Variants in ITGB5 observed in about 807,000 individuals in gnomAD.
ITGB5 encodes the protein integrin beta-5.
In ITGB5, 38 loss-of-function variants were observed where a neutral mutation model predicts 84.8. The ratio of observed to expected loss-of-function variants is 0.45; its 90% confidence interval spans 0.35 to 0.59. The LOEUF (loss-of-function observed/expected upper bound fraction) is 0.59, where lower values mean the gene tolerates loss of function less well. ITGB5 is among the 20% of genes least tolerant of loss of function. The pLI, the probability that ITGB5 is intolerant of heterozygous loss-of-function variation, is 0.01. For synonymous variants in ITGB5, 393 were observed against 414.4 expected (o/e 0.95, Z 0.63); for missense variants, 905 against 1,034.5 (o/e 0.87, Z 1.72).
chr3:124,794,030 G>A (rs143452740), intron 10 of ITGB5, among the ~76,000 whole-genome samples: 16 of 152,326 alleles, frequency 1.1e-4, no homozygotes, highest in East Asian at 1.9e-4. Context: ...GTATCTGCAC[G>A]TTCCTGGTTT....
chr3:124,773,737 C>T lies in ITGB5; in HGVS notation c.1869G>A (p.Glu623=). 6.2e-7 allele frequency: 1 copy of T among 1,612,644 alleles called. No homozygotes were observed. The highest frequency in any genetic ancestry group is 8.5e-7 in the Non-Finnish European group (1 of 1,180,030). Residue 623 remains glutamate, a synonymous_variant, in exon 11 of 15, where the codon GAG becomes GAA. Transcript: ENST00000296181. ...GGCAGGTGGGGCACTTCTCACACAT[C>T]TCCCCAAAGGCCCCCGGCTCCGTGC... ...CQCTEPGAFG[E]MCEKCPTCPD... is the part of the protein sequence containing the mutation.
In ITGB5 at chr3:124,796,822, G is replaced by A; in HGVS notation, c.1264-5C>T. On this transcript the variant is annotated splice_polypyrimidine_tract_variant and splice_region_variant and intron_variant, in intron 9 of 14. Transcript: ENST00000296181. ...CAATGATACTTCAAAAGATGCCTGG[G>A]CAGAAGGAAGAGAAGGGATATCATG... 1 of 1,590,752 alleles carries A rather than the reference G, an allele frequency of 6.3e-7. No homozygotes were observed. Among genetic ancestry groups the A allele is most frequent in the South Asian group, 1.1e-5 (1 of 87,310 alleles).
chr3:124,842,855 C>T (rs2065028626), intron 4 of ITGB5, among the ~76,000 whole-genome samples: 1 of 152,202 alleles, frequency 6.6e-6, no homozygotes, highest in Non-Finnish European at 1.5e-5. Context: ...CTTTGGTTCT[C>T]TAAGGGGCTA....
At chr3:124,867,175 C>T (rs1390459131) in intron 2 of ITGB5, among the ~76,000 whole-genome samples, 2 of 152,174 alleles carry the variant, frequency 1.3e-5, no homozygotes, top group Non-Finnish European at 2.9e-5. Flanking sequence ...AGTCTTCTCC[C>T]ATGCCCGACC....
At chr3:124,799,198 G>A (rs765357113) in intron 9 of ITGB5, among the ~76,000 whole-genome samples, 1 of 152,170 alleles carries the variant, frequency 6.6e-6, no homozygotes, top group African/African-American at 2.4e-5. Flanking sequence ...CGAGGTACAG[G>A]GAGTCTCTCA....
At chr3:124,841,881 G>A (rs888762364) in intron 4 of ITGB5, among the ~76,000 whole-genome samples, 14 of 152,190 alleles carry the variant, frequency 9.2e-5, no homozygotes, top group African/African-American at 2.2e-4. Context: ...TGTGGGACCC[G>A]GGGTGTGGGC....
At position 124,857,971 on chromosome 3, in the gene ITGB5, T is replaced by C. The variant is rs149357933; in HGVS notation, c.361+1271A>G. Among the ~76,000 whole-genome samples the C allele has an allele frequency of 2.4e-4, 37 of 152,010 alleles. No individual in the cohort carries two copies. The East Asian group carries it at 7.0e-3, about 29-fold the overall frequency. On this transcript the variant is annotated intron_variant, in intron 3 of 14. Transcript: ENST00000296181. ...CAACATGGTGAAACCCCATCTCTACTAAAAACACACACACAAAAAAATTAG... is the reference window on the plus strand; with the variant it reads ...CAACATGGTGAAACCCCATCTCTACCAAAAACACACACACAAAAAAATTAG...
chr3:124,843,249 T>TA (rs2065033813), intron 4 of ITGB5, among the ~76,000 whole-genome samples: 3 of 152,218 alleles, frequency 2.0e-5, no homozygotes, highest in Admixed American at 2.0e-4. Flanking sequence ...AAGTGGATCA[T>TA]AGGCCCAGAA....
intron 10 of ITGB5, among the ~76,000 whole-genome samples, chr3:124,794,273 A>G (rs1470496820): frequency 3.3e-5 from 5 of 152,244 alleles, no homozygotes; most frequent in Non-Finnish European, 5.9e-5. Context: ...TCAGAACGCA[A>G]TACCAGAGTG....
At position 124,827,723 on chromosome 3, in the gene ITGB5, C is replaced by T. The variant is rs183325113; in HGVS notation, c.781-6249G>A. Among the ~76,000 whole-genome samples the T allele has an allele frequency of 8.3e-4, 127 of 152,244 alleles. 1 individual carries two copies. Among genetic ancestry groups the T allele is most frequent in the East Asian group, 5.8e-4 (3 of 5,194 alleles). The stretch of plus-strand genomic sequence containing the variant: ...CCTGCACGTATACATCCAGATGGCC[C>T]GCAGCAAGTGAAGAATCACAAAAGA... On this transcript the variant is annotated intron_variant, in intron 5 of 14. Coordinates refer to ENST00000296181, the MANE Select transcript of ITGB5 (RefSeq NM_002213.5).
intron 11 of ITGB5, among the ~76,000 whole-genome samples, chr3:124,770,678 A>G (rs2063829015): frequency 6.6e-6 from 1 of 152,168 alleles, no homozygotes; most frequent in South Asian, 2.1e-4. Flanking sequence ...AGGCTTCCTA[A>G]GAGGTTCTAA....
chr3:124,880,816 C>A (rs1188268682), intron 1 of ITGB5, among the ~76,000 whole-genome samples: 1 of 151,718 alleles, frequency 6.6e-6, no homozygotes, highest in African/African-American at 2.4e-5. Flanking sequence ...GTGATCCCAG[C>A]TACTTGGAAG....
intron 8 of ITGB5, among the ~76,000 whole-genome samples, chr3:124,816,339 A>C (rs1432426035): frequency 6.6e-6 from 1 of 152,238 alleles, no homozygotes; most frequent in Non-Finnish European, 1.5e-5. Flanking sequence ...CTCATTTGTA[A>C]TCAGTCACTG....
At chr3:124,842,268 T>G (rs558751110) in intron 4 of ITGB5, among the ~76,000 whole-genome samples, 1 of 152,376 alleles carries the variant, frequency 6.6e-6, no homozygotes, top group South Asian at 2.1e-4. Flanking sequence ...ACATCAATAA[T>G]AGGTTAATAC....
At chr3:124,900,204 C>T (rs918607479) in intron 1 of ITGB5, among the ~76,000 whole-genome samples, 1 of 152,128 alleles carries the variant, frequency 6.6e-6, no homozygotes, top group Admixed American at 6.5e-5. Flanking sequence ...GCAATGGAGT[C>T]GGACTGCCTG....
rs144346107 is a variant in ITGB5 at position 124,775,253 on chromosome 3, T to C, written c.1694-1341A>G. Among the ~76,000 whole-genome samples, 18 of 151,866 alleles carry C rather than the reference T, an allele frequency of 1.2e-4. No individual in the cohort carries two copies. The East Asian group carries it at 3.5e-3, about 29-fold the overall frequency. ...GTATGAGTGTGTGAGTGCAAGTGTG[T>C]GTGAGGAAGTATTTAAGTGTATGTT... On this transcript the variant is annotated intron_variant, in intron 10 of 14. Coordinates refer to ENST00000296181, the MANE Select transcript of ITGB5 (RefSeq NM_002213.5).
chr3:124,804,667 T>TTTTGTTTG lies in ITGB5; in HGVS notation c.1263+4347_1263+4354dup, dbSNP rs113384107. On this transcript the variant is annotated intron_variant, in intron 9 of 14. Transcript: ENST00000296181. ...GCATTACTTTTTATTCACTTATCTT[T>TTTTGTTTG]TTTGTTTGTTTGTTTTTGAGAAGGA... Among the ~76,000 whole-genome samples, 981 of 152,154 alleles carry TTTTGTTTG rather than the reference T, an allele frequency of 6.4e-3. 17 individuals are homozygous for TTTTGTTTG. Among genetic ancestry groups the TTTTGTTTG allele is most frequent in the South Asian group, 0.035 (167 of 4,816 alleles).
At chr3:124,871,826 AAAAAATAAAAAT>A (rs1278075657) in intron 2 of ITGB5, among the ~76,000 whole-genome samples, 1 of 151,002 alleles carries the variant, frequency 6.6e-6, no homozygotes, top group African/African-American at 2.4e-5. Context: ...ATCCTGTCTC[AAAAAATAAAAAT>A]AAAAATAAAA....
chr3:124,848,107 T>C (rs760275591), intron 4 of ITGB5, among the ~76,000 whole-genome samples: 2 of 152,178 alleles, frequency 1.3e-5, no homozygotes, highest in Non-Finnish European at 2.9e-5. Flanking sequence ...TCATTTTATC[T>C]TTACAACCTT....
Sources: gnomAD v4.1 joint callset for allele counts (sites outside exome capture counted in the v4.1 genomes callset) on GRCh38, gnomAD v4.1.1 for gene constraint, MANE v1.5 for transcripts, NCBI Gene and HGNC (gene_info 2026-07-23, HGNC 2026-07-21) for gene names.